The following OSBP2 variants were observed in gnomAD, a reference collection of about 807,000 sequenced individuals.
OSBP2 encodes oxysterol binding protein 2.
OSBP2 carries 66 observed loss-of-function variants against 96.0 expected under a neutral mutation model. The observed-to-expected ratio is 0.69, with a 90% CI of 0.56 to 0.84. OSBP2 has a LOEUF of 0.84. Ranked by LOEUF, OSBP2 falls within the 40% of genes least tolerant of loss-of-function variation. OSBP2 has a pLI of 0.00. For synonymous variants in OSBP2, 525 were observed against 520.9 expected, an observed-to-expected ratio of 1.01 and a Z score of -0.11; for missense variants, 1,038 against 1,222.7, an observed-to-expected ratio of 0.85 and a Z score of 2.25.
chr22:30,812,645 A>AT (rs2091025131), intron 2 of OSBP2, among the ~76,000 whole-genome samples: 1 of 152,224 alleles, frequency 6.6e-6, no homozygotes, highest in Non-Finnish European at 1.5e-5. Context: ...GATTTCTAGA[A>AT]GTGGAATTGC....
At chr22:30,728,523 G>T (rs1379854486) in intron 1 of OSBP2, among the ~76,000 whole-genome samples, 1 of 151,850 alleles carries the variant, frequency 6.6e-6, no homozygotes, top group African/African-American at 2.4e-5. Context: ...TAGAGACAGG[G>T]TCTAGCTGTG....
chr22:30,869,345 T>TG, intron 2 of OSBP2, among the ~76,000 whole-genome samples: 1 of 152,314 alleles, frequency 6.6e-6, no homozygotes, highest in East Asian at 1.9e-4. Context: ...ATCTGTCACC[T>TG]GGGGATGGTC....
intron 2 of OSBP2, among the ~76,000 whole-genome samples, chr22:30,856,473 A>G (rs2039082329): frequency 7.1e-6 from 1 of 140,628 alleles, no homozygotes; most frequent in African/African-American, 2.6e-5. Flanking sequence ...TGAAACCTCT[A>G]CCTCCCAGAT....
intron 1 of OSBP2, among the ~76,000 whole-genome samples, chr22:30,702,676 A>G (rs2089183455): frequency 1.3e-5 from 2 of 152,202 alleles, no homozygotes; most frequent in African/African-American, 4.8e-5. Context: ...GTGTAAGCAG[A>G]TCCCTGTATT....
intron 1 of OSBP2, among the ~76,000 whole-genome samples, chr22:30,734,129 C>A (rs1032395168): frequency 6.6e-6 from 1 of 152,088 alleles, no homozygotes; most frequent in Non-Finnish European, 1.5e-5. Context: ...CATGCACCAC[C>A]AGGCCCATTT....
At chr22:30,810,568 C>T (rs539563173) in intron 2 of OSBP2, among the ~76,000 whole-genome samples, 4 of 152,184 alleles carry the variant, frequency 2.6e-5, no homozygotes, top group South Asian at 4.2e-4. Flanking sequence ...GAGCTTCAGC[C>T]GGAAGCCTGG....
chr22:30,876,077 A>G (rs1341007465), intron 3 of OSBP2, among the ~76,000 whole-genome samples: 1 of 152,242 alleles, frequency 6.6e-6, no homozygotes, highest in Non-Finnish European at 1.5e-5. Context: ...CCAGCTGACC[A>G]CAGCCCAGCG....
At chr22:30,872,996 C>CCT (rs550449089) in intron 3 of OSBP2, among the ~76,000 whole-genome samples, 194 of 152,274 alleles carry the variant, frequency 1.3e-3, no homozygotes, top group African/African-American at 4.5e-3. Context: ...AGGTGTTGGA[C>CCT]CAGGGCTCTG....
chr22:30,888,507 T>A (rs1027955345), intron 5 of OSBP2, among the ~76,000 whole-genome samples, 167 bp downstream of exon 5: 4 of 152,126 alleles, frequency 2.6e-5, no homozygotes, highest in African/African-American at 9.7e-5. Flanking sequence ...GTAAGAAGAT[T>A]GCTTGAATAC....
intron 12 of OSBP2, chr22:30,902,261 C>T: frequency 1.3e-6 from 2 of 1,582,694 alleles, no homozygotes; most frequent in South Asian, 2.2e-5. Flanking sequence ...TAATATGGTT[C>T]AGGGCGACAT....
chr22:30,812,646 G>C (rs2091025181), intron 2 of OSBP2, among the ~76,000 whole-genome samples: 1 of 152,186 alleles, frequency 6.6e-6, no homozygotes, highest in Non-Finnish European at 1.5e-5. Context: ...ATTTCTAGAA[G>C]TGGAATTGCT....
At chr22:30,788,214 C>G (rs964131618) in intron 2 of OSBP2, among the ~76,000 whole-genome samples, 18 of 152,126 alleles carry the variant, frequency 1.2e-4, no homozygotes, top group African/African-American at 4.3e-4. Context: ...ACAGTTTGAT[C>G]AGCTGCAAAG....
In OSBP2 at chr22:30,734,035, T is replaced by C. The variant is rs113249425; in HGVS notation, c.645-7126T>C. Among the ~76,000 whole-genome samples, 990 of 152,192 alleles carry C rather than the reference T, an allele frequency of 6.5e-3. 10 individuals carry two copies. The highest frequency in any genetic ancestry group is 0.023 in the African/African-American group (937 of 41,520). ...TGTCACCCAGGCTAGAGTGCAGTGG[T>C]GTGATCTCCATTCACTGCAACCATC... On this transcript the variant is annotated intron_variant, in intron 1 of 13. Coordinates refer to ENST00000332585, the MANE Select transcript of OSBP2 (RefSeq NM_030758.4).
Position 30,806,123 on chromosome 22 carries a change from T to C in OSBP2, c.854-64306T>C, listed in dbSNP as rs868122057. On this transcript the variant is annotated intron_variant, in intron 2 of 13. Transcript: ENST00000332585. The stretch of plus-strand genomic sequence containing the variant: ...CATGACCCTGTGAGAGGAGAACCAC[T>C]GCCATCCTTATTATACAAATGAAGA... Among the ~76,000 whole-genome samples, 53 of 152,348 alleles carry C rather than the reference T, an allele frequency of 3.5e-4. 1 individual carries two copies. In the Middle Eastern group the frequency reaches 0.02, roughly 59 times the overall value.
At chr22:30,786,940 A>C (rs928099959) in intron 2 of OSBP2, among the ~76,000 whole-genome samples, 3 of 152,120 alleles carry the variant, frequency 2.0e-5, no homozygotes, top group Non-Finnish European at 4.4e-5. Context: ...CTGGGACTAC[A>C]GGCACGTGCC....
upstream of OSBP2, chr22:30,693,964 CAA>C: frequency 1.0e-6 from 1 of 999,964 alleles, no homozygotes; most frequent in East Asian, 3.0e-5. Flanking sequence ...GACTCAGTCT[CAA>C]AAAGGAAAAA....
At chr22:30,824,514 A>G (rs1432509101) in intron 2 of OSBP2, among the ~76,000 whole-genome samples, 3 of 152,172 alleles carry the variant, frequency 2.0e-5, no homozygotes, top group Non-Finnish European at 4.4e-5. Flanking sequence ...AGATTTCCAC[A>G]TACAAACACA....
At chr22:30,883,313 C>T (rs1050073866) in intron 3 of OSBP2, among the ~76,000 whole-genome samples, 1 of 152,232 alleles carries the variant, frequency 6.6e-6, no homozygotes, top group Non-Finnish European at 1.5e-5. Context: ...GGGATCCCAT[C>T]CTGTTCACCC....
upstream of OSBP2, chr22:30,694,870 C>T: frequency 1.0e-6 from 1 of 994,728 alleles, no homozygotes; most frequent in Non-Finnish European, 1.3e-6. Flanking sequence ...TGCCCCCCGC[C>T]CCCACTGGCC....
Sources: allele counts gnomAD v4.1 joint callset (sites outside exome capture counted in the v4.1 genomes callset), GRCh38; gene constraint gnomAD v4.1.1; transcripts MANE v1.5; gene names NCBI Gene and HGNC (gene_info 2026-07-23, HGNC 2026-07-21).